Variants in RGS6 observed in about 807,000 individuals in gnomAD.
RGS6 encodes the protein regulator of G-protein signaling 6.
In RGS6, 30 loss-of-function variants were observed where a neutral mutation model predicts 78.5. The ratio of observed to expected loss-of-function variants is 0.38; its 90% CI spans 0.29 to 0.52. RGS6 has a LOEUF of 0.52. Among genes scored for constraint, RGS6 ranks in the 20% least tolerant of loss-of-function variants. The probability of loss-of-function intolerance (pLI) is 0.85; values close to 1 mark genes in which losing one functional copy is unlikely to be tolerated. For missense variants in RGS6, 495 were observed against 609.7 expected (o/e 0.81, Z 1.98); for synonymous variants, 206 against 206.0 (o/e 1.00, Z 0.00).
At chr14:72,063,959 A>G (rs900763256) in intron 2 of RGS6, among the ~76,000 whole-genome samples, 1 of 152,138 alleles carries the variant, frequency 6.6e-6, no homozygotes. Context: ...CATTGAGATT[A>G]CTATCATATC....
chr14:71,887,305 T>A, the RGS6 span, among the ~76,000 whole-genome samples: 1 of 152,176 alleles, frequency 6.6e-6, no homozygotes, highest in Non-Finnish European at 1.5e-5. Context: ...TTGAACAATA[T>A]GAAGTCAGCG....
At chr14:71,909,067 G>C in the RGS6 span, among the ~76,000 whole-genome samples, 1 of 152,166 alleles carries the variant, frequency 6.6e-6, no homozygotes, top group African/African-American at 2.4e-5. Context: ...GTGGGCTTAG[G>C]TTGAAGGATT....
intron 2 of RGS6, among the ~76,000 whole-genome samples, chr14:72,147,503 G>T (rs1389219565): frequency 6.6e-6 from 1 of 152,188 alleles, no homozygotes; most frequent in Non-Finnish European, 1.5e-5. Context: ...AACCACTCTT[G>T]CAATAATGAC....
chr14:72,156,651 T>C (rs564277074), intron 2 of RGS6, among the ~76,000 whole-genome samples: 4 of 152,204 alleles, frequency 2.6e-5, no homozygotes, highest in African/African-American at 9.6e-5. Context: ...TGGCAAAGAT[T>C]GGGCAGATTG....
intron 2 of RGS6, among the ~76,000 whole-genome samples, chr14:71,998,265 T>C (rs1486321360): frequency 1.3e-5 from 2 of 152,218 alleles, no homozygotes; most frequent in Non-Finnish European, 2.9e-5. Flanking sequence ...GATATGCATC[T>C]ATCTGAGTGA....
rs116745227 is a variant in RGS6, at chr14:72,328,385, A to G, written c.85-23710A>G. On this transcript the variant is annotated intron_variant, in intron 2 of 17. Coordinates refer to ENST00000553525, the MANE Select transcript of RGS6 (RefSeq NM_001204424.2). ...GTCCATCTAGAAAAGCACCCAGTAC[A>G]TAATAAGCACTCAACAAATATTTTT... 5.1e-3 allele frequency among the ~76,000 whole-genome samples: 773 copies of G among 152,346 alleles called. 4 individuals are homozygous for G. Among genetic ancestry groups the G allele is most frequent in the African/African-American group, 0.018 (750 of 41,570 alleles).
chr14:72,004,083 C>T (rs2084041671), intron 2 of RGS6, among the ~76,000 whole-genome samples: 1 of 152,108 alleles, frequency 6.6e-6, no homozygotes, highest in Non-Finnish European at 1.5e-5. Context: ...TGGAATGCTT[C>T]CAAAGCTCCC....
rs1404521424 is a variant in RGS6, at chr14:72,082,780, T to C, written c.84+117905T>C. 3.3e-5 allele frequency among the ~76,000 whole-genome samples: 5 copies of C among 152,170 alleles called. No homozygotes were observed. The East Asian group carries it at 9.6e-4, about 29-fold the overall frequency. Reference sequence around the variant, plus strand: ...GGGGAAATAAGCATATTTCACAGTGTCATGGAAATTGAGTCCTGAATGTCA... The same window carrying C: ...GGGGAAATAAGCATATTTCACAGTGCCATGGAAATTGAGTCCTGAATGTCA... On this transcript the variant is annotated intron_variant, in intron 2 of 17. Transcript: ENST00000553525.
At chr14:71,942,073 GGAGTAGTCAA>G (rs1365125237) in intron 1 of RGS6, among the ~76,000 whole-genome samples, 4 of 152,122 alleles carry the variant, frequency 2.6e-5, no homozygotes, top group African/African-American at 9.7e-5. Context: ...ATATCTTTCT[GGAGTAGTCAA>G]GACAAAAGAA....
intron 2 of RGS6, among the ~76,000 whole-genome samples, chr14:72,128,015 C>A (rs1436362271): frequency 2.0e-4 from 30 of 152,106 alleles, no homozygotes; most frequent in Non-Finnish European, 1.5e-5. Context: ...CTTTTTATTA[C>A]TGAGTAGCGT....
At chr14:72,452,233 TC>T (rs1690453620) in intron 3 of RGS6, among the ~76,000 whole-genome samples, 1 of 151,640 alleles carries the variant, frequency 6.6e-6, no homozygotes, top group Non-Finnish European at 1.5e-5. Context: ...ATTCTCTCTC[TC>T]TCTCTCTCTC....
At position 71,948,738 on chromosome 14, in the gene RGS6, C is replaced by CTTTTTTTTTTTTT. The variant is rs766352167; in HGVS notation, c.-21+15798_-21+15799insTTTTTTTTTTTTT. 1.7e-4 allele frequency among the ~76,000 whole-genome samples: 13 copies of CTTTTTTTTTTTTT among 75,214 alleles called. 2 individuals are homozygous for CTTTTTTTTTTTTT. Among genetic ancestry groups the CTTTTTTTTTTTTT allele is most frequent in the East Asian group, 9.4e-4 (2 of 2,126 alleles). The allele number at this position is 75,214 out of a possible 152,430, so 49.3% of individuals were successfully genotyped here. A position where few individuals can be genotyped will look rare whatever the true frequency, so the allele number is the denominator to read the frequency against. On this transcript the variant is annotated intron_variant, in intron 1 of 17. Transcript: ENST00000553525. Reference sequence around the variant, plus strand: ...AAGCTGATTTCCTTTCTCTCTCTCTCTCTTTTTTTTTTTTTTTTTTTTTTT... The same window carrying CTTTTTTTTTTTTT: ...AAGCTGATTTCCTTTCTCTCTCTCTCTTTTTTTTTTTTTTCTTTTTTTTTTTTTTTTTTTTTTT...
chr14:72,604,738 T>G, the RGS6 span, among the ~76,000 whole-genome samples: 1 of 152,142 alleles, frequency 6.6e-6, no homozygotes, highest in South Asian at 2.1e-4. Flanking sequence ...CCAGGGAGGC[T>G]CTCTGGAATT....
At chr14:72,490,376 A>C (rs996966279) in intron 12 of RGS6, among the ~76,000 whole-genome samples, 2 of 152,164 alleles carry the variant, frequency 1.3e-5, no homozygotes, top group Non-Finnish European at 2.9e-5. Context: ...TCTCTTATAA[A>C]TTGCCCAGTC....
intron 2 of RGS6, among the ~76,000 whole-genome samples, chr14:72,289,262 A>C (rs991062394): frequency 3.3e-5 from 5 of 150,708 alleles, no homozygotes; most frequent in African/African-American, 1.2e-4. Flanking sequence ...CTCCCTCTCT[A>C]TTTTCTTTGT....
the RGS6 span, among the ~76,000 whole-genome samples, chr14:71,918,311 C>G: frequency 7.0e-6 from 1 of 142,870 alleles, no homozygotes. Flanking sequence ...TTGAGTTTAT[C>G]TCATTTAAAA....
At chr14:72,328,641 T>A (rs1033571600) in intron 2 of RGS6, among the ~76,000 whole-genome samples, 1 of 152,058 alleles carries the variant, frequency 6.6e-6, no homozygotes, top group African/African-American at 2.4e-5. Context: ...GGAGACAGGA[T>A]ACCAAGGAGG....
the RGS6 span, among the ~76,000 whole-genome samples, chr14:71,884,880 G>A: frequency 1.3e-5 from 2 of 152,200 alleles, no homozygotes; most frequent in African/African-American, 4.8e-5. Context: ...ATTTAAGGAG[G>A]CCCTTTCGTT....
intron 2 of RGS6, among the ~76,000 whole-genome samples, chr14:72,000,919 A>G (rs1445797796): frequency 6.6e-6 from 1 of 152,180 alleles, no homozygotes; most frequent in Non-Finnish European, 1.5e-5. Context: ...AAAGTGGATT[A>G]ATTCTTCAGT....
Sources: allele counts gnomAD v4.1 joint callset (sites outside exome capture counted in the v4.1 genomes callset), GRCh38; gene constraint gnomAD v4.1.1; transcripts MANE v1.5; gene names NCBI Gene and HGNC (gene_info 2026-07-23, HGNC 2026-07-21).